Variants in CTNNA2 observed in about 807,000 individuals in gnomAD.
The protein encoded by CTNNA2 is catenin alpha 2.
A neutral mutation model predicts 101.0 loss-of-function variants in CTNNA2; 42 were observed. The ratio of observed to expected loss-of-function variants is 0.42; its 90% CI spans 0.32 to 0.54. The LOEUF (loss-of-function observed/expected upper bound fraction) is 0.54, where lower values mean the gene tolerates loss of function less well. CTNNA2 is among the 20% of genes least tolerant of loss of function. CTNNA2 has a pLI of 0.14. For synonymous variants in CTNNA2, 450 were observed against 456.4 expected (o/e 0.99, Z 0.18); for missense variants, 871 against 1,223.1 (o/e 0.71, Z 4.29).
chr2:79,860,546 GT>G lies in CTNNA2; in HGVS notation c.465+2386del, dbSNP rs56929879. ...TTCTCCACACAGCCGAGTAAGGGAA[GT>G]TTTTTTTTTTTTTTTTTTAACGATT... On this transcript the variant is annotated intron_variant, in intron 4 of 18. Transcript: ENST00000402739. 1.9e-3 allele frequency among the ~76,000 whole-genome samples: 199 copies of G among 107,192 alleles called. 1 individual carries two copies. The highest frequency in any genetic ancestry group is 2.6e-3 in the Non-Finnish European group (149 of 57,286). 70.3% of individuals were successfully genotyped at this position (107,192 alleles called of 152,430 possible).
At chr2:80,082,164 A>T (rs536341125) in intron 7 of CTNNA2, among the ~76,000 whole-genome samples, 1 of 152,212 alleles carries the variant, frequency 6.6e-6, no homozygotes, top group Admixed American at 6.5e-5. Context: ...TTGTCATCTG[A>T]TGCTATTTTT....
chr2:80,034,680 G>A (rs1295891731), intron 7 of CTNNA2, among the ~76,000 whole-genome samples: 1 of 152,074 alleles, frequency 6.6e-6, no homozygotes, highest in Admixed American at 6.6e-5. Flanking sequence ...TAAAATAAAT[G>A]CAAATTTAAA....
chr2:80,324,521 C>G (rs1040998410), intron 7 of CTNNA2, among the ~76,000 whole-genome samples: 1 of 152,004 alleles, frequency 6.6e-6, no homozygotes, highest in Admixed American at 6.6e-5. Context: ...TATTAAAAAG[C>G]CTTTCATGTA....
intron 4 of CTNNA2, among the ~76,000 whole-genome samples, chr2:79,385,495 C>T (rs1678088637): frequency 6.6e-6 from 1 of 150,990 alleles, no homozygotes; most frequent in African/African-American, 2.4e-5. Flanking sequence ...TAAATAGGGT[C>T]TTTATTTTAT....
chr2:80,090,775 T>C (rs1167541117), intron 7 of CTNNA2, among the ~76,000 whole-genome samples: 1 of 152,090 alleles, frequency 6.6e-6, no homozygotes, highest in Admixed American at 6.6e-5. Flanking sequence ...ATGAGTATAG[T>C]AGAGGTAATC....
chr2:80,058,944 A>G (rs895780658), intron 7 of CTNNA2, among the ~76,000 whole-genome samples: 9 of 152,180 alleles, frequency 5.9e-5, no homozygotes, highest in African/African-American at 1.4e-4. Context: ...GATATCTGCA[A>G]AGGATTTTTA....
At chr2:80,580,488 A>C (rs928388086) in intron 13 of CTNNA2, among the ~76,000 whole-genome samples, 3 of 152,198 alleles carry the variant, frequency 2.0e-5, no homozygotes, top group African/African-American at 7.2e-5. Flanking sequence ...CTGGGTGTTT[A>C]GATCTAACTT....
rs534859265 is a variant in CTNNA2 at position 80,388,695 on chromosome 2, G to T, written c.1057-4516G>T. The stretch of plus-strand genomic sequence containing the variant: ...TGTTCAGCAAAAACAGGGAATAATT[G>T]GATGACTGACTTAACACCACACATT... On this transcript the variant is annotated intron_variant, in intron 7 of 18. Transcript: ENST00000402739. Among the ~76,000 whole-genome samples, 8 of 152,302 alleles carry T rather than the reference G, an allele frequency of 5.3e-5. No homozygotes were observed. The East Asian group carries it at 1.5e-3, about 29-fold the overall frequency.
intron 9 of CTNNA2, among the ~76,000 whole-genome samples, chr2:80,451,061 T>A (rs1683464763): frequency 6.6e-6 from 1 of 152,164 alleles, no homozygotes; most frequent in Non-Finnish European, 1.5e-5. Context: ...AAATATCTGG[T>A]GCATTATCCT....
At chr2:79,410,648 G>A (rs1000119079) in intron 4 of CTNNA2, among the ~76,000 whole-genome samples, 4 of 151,542 alleles carry the variant, frequency 2.6e-5, no homozygotes, top group Non-Finnish European at 4.4e-5. Context: ...CAGGGATGAA[G>A]CCCACTTGAT....
At chr2:79,533,003 C>A (rs1430380403) in intron 1 of CTNNA2, among the ~76,000 whole-genome samples, 1 of 151,976 alleles carries the variant, frequency 6.6e-6, no homozygotes, top group East Asian at 1.9e-4. Context: ...TCTCCCATAC[C>A]CCTGGCTCTT....
chr2:79,338,581 T>TTCTTCTTCTTCTTCG (rs1677054845), intron 3 of CTNNA2, among the ~76,000 whole-genome samples: 1 of 110,836 alleles, frequency 9.0e-6, no homozygotes. Context: ...CCTCATCATC[T>TTCTTCTTCTTCTTCG]TCTTCTTCTT....
At chr2:79,552,261 A>G (rs1185008281) in intron 1 of CTNNA2, among the ~76,000 whole-genome samples, 1 of 152,164 alleles carries the variant, frequency 6.6e-6, no homozygotes, top group South Asian at 2.1e-4. Context: ...CCAGCAGGAC[A>G]ATCATTAAAC....
intron 3 of CTNNA2, among the ~76,000 whole-genome samples, chr2:79,318,820 T>A (rs1676554184): frequency 6.6e-6 from 1 of 152,224 alleles, no homozygotes; most frequent in Non-Finnish European, 1.5e-5. Flanking sequence ...CTAAAATGTT[T>A]ACGTTCTGGC....
chr2:80,622,909 C>A (rs916068035), intron 18 of CTNNA2, among the ~76,000 whole-genome samples: 2 of 151,448 alleles, frequency 1.3e-5, no homozygotes, highest in African/African-American at 4.8e-5. Flanking sequence ...TTCTAATTTC[C>A]TATTGTGACA....
At chr2:79,250,038 C>A (rs752293995) in intron 2 of CTNNA2, among the ~76,000 whole-genome samples, 2 of 152,154 alleles carry the variant, frequency 1.3e-5, no homozygotes, top group African/African-American at 2.4e-5. Flanking sequence ...AAAATTCCTC[C>A]TGAGCATGCT....
chr2:79,583,023 T>A (rs550304268), intron 1 of CTNNA2, among the ~76,000 whole-genome samples: 2 of 152,190 alleles, frequency 1.3e-5, no homozygotes, highest in African/African-American at 4.8e-5. Context: ...TCACTGAGCA[T>A]AATTATTTTT....
intron 1 of CTNNA2, among the ~76,000 whole-genome samples, chr2:79,191,010 A>G (rs1309207646): frequency 4.6e-5 from 7 of 152,116 alleles, no homozygotes; most frequent in Non-Finnish European, 2.9e-5. Context: ...CTTTTCATAC[A>G]TAAGAGCAAA....
intron 7 of CTNNA2, among the ~76,000 whole-genome samples, chr2:80,322,559 G>A (rs1441278984): frequency 1.3e-5 from 2 of 151,526 alleles, no homozygotes; most frequent in African/African-American, 2.4e-5. Context: ...GCTCCGGGAC[G>A]GCGCGCGGCG....
Sources: allele counts gnomAD v4.1 joint callset (sites outside exome capture counted in the v4.1 genomes callset), GRCh38; gene constraint gnomAD v4.1.1; transcripts MANE v1.5; gene names NCBI Gene and HGNC (gene_info 2026-07-23, HGNC 2026-07-21).